PHLDB1: variants seen among roughly 807,000 people sequenced by gnomAD.
The protein encoded by PHLDB1 is pleckstrin homology-like domain family B member 1.
PHLDB1 carries 65 observed loss-of-function variants against 139.3 expected under a neutral mutation model. That is an observed-to-expected ratio of 0.47 (90% confidence interval 0.38 to 0.57). PHLDB1 has a LOEUF of 0.57. Ranked by LOEUF, PHLDB1 falls within the 20% of genes least tolerant of loss-of-function variation. The probability of loss-of-function intolerance (pLI) is 0.00; values close to 1 mark genes in which losing one functional copy is unlikely to be tolerated. For synonymous variants in PHLDB1, 679 were observed against 734.5 expected, an observed-to-expected ratio of 0.92 and a Z score of 1.22; for missense variants, 1,624 against 1,839.7, an observed-to-expected ratio of 0.88 and a Z score of 2.14.
chr11:118,639,828 G>T, intron 12 of PHLDB1: 2 of 989,144 alleles, frequency 2.0e-6, no homozygotes, highest in Non-Finnish European at 2.4e-6. Context: ...AAGTGTGAGG[G>T]ATGCAGCCCC....
At chr11:118,648,308 TG>T (rs1947861594) in intron 18 of PHLDB1, among the ~76,000 whole-genome samples, 1 of 148,960 alleles carries the variant, frequency 6.7e-6, no homozygotes, top group Non-Finnish European at 1.5e-5. Flanking sequence ...TGTGTGTGTG[TG>T]TGTGTGTGTG....
In PHLDB1 at chr11:118,656,948, A is replaced by G. The variant is rs1032849880; in HGVS notation, c.*125A>G. On this transcript the variant is annotated 3_prime_UTR_variant, in exon 23 of 23. Transcript: ENST00000600882. ...CTCCTGAAGAACCAGCCAGAAGAAG[A>G]AAAGTAGAGGTGGCTTTGCTGCCTC... The G allele has an allele frequency of 8.1e-6, 7 of 858,986 alleles. 1 individual carries two copies. The Admixed American group carries it at 1.4e-4, about 17-fold the overall frequency. The allele number at this position is 858,986 out of a possible 1,614,324, so 53.2% of individuals were successfully genotyped here. A position where few individuals can be genotyped will look rare whatever the true frequency, so the allele number is the denominator to read the frequency against.
chr11:118,624,903 C>G (rs1555099396), intron 4 of PHLDB1, 31 bp from the exon 5 acceptor site: 2 of 1,613,242 alleles, frequency 1.2e-6, no homozygotes, highest in African/African-American at 2.7e-5. Context: ...AGCCACCACA[C>G]CTGGTCTTCA....
chr11:118,655,903 C>A lies in PHLDB1; in HGVS notation c.3993+11C>A. On this transcript the variant is annotated intron_variant, in intron 22 of 22. Transcript: ENST00000600882. The stretch of plus-strand genomic sequence containing the variant: ...ACTATGGTGACTGAGGTACCCCTCC[C>A]CACTTAGCTGTAACCAGCACATTAA... 1 of 1,604,538 alleles carries A rather than the reference C, an allele frequency of 6.2e-7. No individual in the cohort carries two copies. The highest frequency in any genetic ancestry group is 8.5e-7 in the Non-Finnish European group (1 of 1,171,260).
At chr11:118,622,181 A>G (rs1253478097) in intron 4 of PHLDB1, among the ~76,000 whole-genome samples, 6 of 152,094 alleles carry the variant, frequency 3.9e-5, no homozygotes, top group Non-Finnish European at 8.8e-5. Flanking sequence ...CATGGGGGAC[A>G]CTGATCATGA....
intron 17 of PHLDB1, chr11:118,647,231 A>C (rs1326764851): frequency 6.6e-6 from 1 of 152,266 alleles, no homozygotes; most frequent in Non-Finnish European, 1.5e-5. Flanking sequence ...TAGCTGTCAA[A>C]AAAAGTTGTC....
At position 118,645,377 on chromosome 11, in the gene PHLDB1, A is replaced by C. The variant is rs1555126209; in HGVS notation, c.3143A>C (p.Gln1048Pro). 6.6e-7 allele frequency: 1 copy of C among 1,519,984 alleles called. No individual in the cohort carries two copies. The highest frequency in any genetic ancestry group is 1.4e-5 in the African/African-American group (1 of 71,958). The allele number at this position is 1,519,984 out of a possible 1,614,324, so 94.2% of individuals were successfully genotyped here. A position where few individuals can be genotyped will look rare whatever the true frequency, so the allele number is the denominator to read the frequency against. Residue 1048 changes from glutamine (Q) to proline (P), a missense_variant, in exon 16 of 23, where the codon CAG becomes CCG. Coordinates refer to ENST00000600882, the MANE Select transcript of PHLDB1 (RefSeq NM_001144758.3). This position sits in a 1 kb window ranked among gnomAD's most constrained non-coding sequence, Gnocchi z 5.1. Reference protein sequence around the residue: ...QQKGQQVIEEQRRRLAELKQK... With the variant: ...QQKGQQVIEEPRRRLAELKQK... Reference sequence around the variant, plus strand: ...TCAGGACAACAAGTGATTGAAGAGCAGCGGCGGCGACTGGCTGAGCTGAAG... The same window carrying C: ...TCAGGACAACAAGTGATTGAAGAGCCGCGGCGGCGACTGGCTGAGCTGAAG...
chr11:118,635,698 A>G, intron 10 of PHLDB1, 150 bp downstream of exon 10: 1 of 704,284 alleles, frequency 1.4e-6, no homozygotes, highest in Non-Finnish European at 2.2e-6. Flanking sequence ...TGTGAGAATT[A>G]AACAAGATGT....
chr11:118,610,005 C>T lies in PHLDB1; in HGVS notation c.-22+2306C>T, dbSNP rs1939851544. On this transcript the variant is annotated intron_variant, in intron 1 of 22. Coordinates refer to ENST00000600882, the MANE Select transcript of PHLDB1 (RefSeq NM_001144758.3). The surrounding 1 kb of genome is among the most constrained non-coding windows in gnomAD (Gnocchi z 8.7). ...GGTGGGCCCCAGCCTCCCTCTCCTT[C>T]GCCCCATCTCCCCGCCCGTCAGCCT... 6.6e-6 allele frequency among the ~76,000 whole-genome samples: 1 copy of T among 151,964 alleles called. No individual in the cohort carries two copies. The highest frequency in any genetic ancestry group is 1.5e-5 in the Non-Finnish European group (1 of 67,976).
intron 6 of PHLDB1, 42 bp downstream of exon 6, chr11:118,628,692 G>A: frequency 6.4e-7 from 1 of 1,560,282 alleles, no homozygotes; most frequent in South Asian, 1.2e-5. Flanking sequence ...CCATGGCAGA[G>A]TCTCTGCCAG....
Position 118,627,764 on chromosome 11 carries a change from G to T in PHLDB1, c.941G>T (p.Ser314Ile). The change falls in exon 6 of 23, where the codon AGC becomes ATC. Residue 314 changes from serine to isoleucine, a missense_variant. Transcript: ENST00000600882. ...SGARSESPRL[S>I]RKGGHERPPS... ...GCTCGCTCCGAGAGTCCTCGGCTGA[G>T]CAGGAAAGGGGGCCATGAGAGGCCT... 1 of 1,607,132 alleles carries T rather than the reference G, an allele frequency of 6.2e-7. No homozygotes were observed.
chr11:118,648,270 TGTGTGTGTGTGTGTG>T (rs1469190805), intron 18 of PHLDB1, among the ~76,000 whole-genome samples, 194 bp downstream of exon 18: 124 of 3,088 alleles, frequency 0.04, no homozygotes, highest in Admixed American at 0.08. Flanking sequence ...CTATTCAAGT[TGTGTGTGTGTGTGTG>T]TGTGTGTGTG....
In PHLDB1 at chr11:118,650,837, T is replaced by G; in HGVS notation, c.3874+290T>G. On this transcript the variant is annotated intron_variant, in intron 20 of 22. Transcript: ENST00000600882. This position sits in a 1 kb window ranked among gnomAD's most constrained non-coding sequence, Gnocchi z 4.7. ...ATGGCCACAGCGCTCTCATGGAGCT[T>G]ATAATCAGGGAAGCAGACAAGAGTG... 1 of 450,256 alleles carries G rather than the reference T, an allele frequency of 2.2e-6. No homozygotes were observed. The highest frequency in any genetic ancestry group is 4.0e-6 in the Non-Finnish European group (1 of 247,520). 27.9% of individuals were successfully genotyped at this position (450,256 alleles called of 1,614,324 possible).
chr11:118,650,842 TCAGG>T lies in PHLDB1; in HGVS notation c.3874+296_3874+299del. 5 of 440,694 alleles carry T rather than the reference TCAGG, an allele frequency of 1.1e-5. No homozygotes were observed. Among genetic ancestry groups the T allele is most frequent in the South Asian group, 5.3e-5 (2 of 37,536 alleles). 27.3% of individuals were successfully genotyped at this position (440,694 alleles called of 1,614,324 possible). On this transcript the variant is annotated intron_variant, in intron 20 of 22. Coordinates refer to ENST00000600882, the MANE Select transcript of PHLDB1 (RefSeq NM_001144758.3). This position sits in a 1 kb window ranked among gnomAD's most constrained non-coding sequence, Gnocchi z 4.7. ...CACAGCGCTCTCATGGAGCTTATAA[TCAGG>T]GAAGCAGACAAGAGTGATAACCACG...
At chr11:118,654,544 A>G (rs1948757308) in intron 20 of PHLDB1, 1 of 152,134 alleles carries the variant, frequency 6.6e-6, no homozygotes, top group Non-Finnish European at 1.5e-5. Context: ...GAATATAAAC[A>G]AATACTTTTT....
intron 1 of PHLDB1, among the ~76,000 whole-genome samples, chr11:118,609,892 AAG>A (rs1366104110): frequency 6.6e-6 from 1 of 151,354 alleles, no homozygotes; most frequent in African/African-American, 2.4e-5. Context: ...CCGGACACCC[AAG>A]CAACAGCCCT....
chr11:118,626,096 G>A (rs1943809381), intron 5 of PHLDB1, among the ~76,000 whole-genome samples: 2 of 152,176 alleles, frequency 1.3e-5, no homozygotes, highest in Non-Finnish European at 2.9e-5. Context: ...GGCTTAATGG[G>A]ATAATTGGAG....
At chr11:118,607,368 G>C (rs1431563263), upstream of PHLDB1, among the ~76,000 whole-genome samples, 34 of 81,198 alleles carry the variant, frequency 4.2e-4, 1 homozygote, top group Admixed American at 1.7e-3. Flanking sequence ...TGGTGGTGGT[G>C]GTGGTGGTGG....
rs1555083319 is a variant in PHLDB1, at chr11:118,610,820, C to T, written c.-21-2996C>T. Among the ~76,000 whole-genome samples, 1 of 152,154 alleles carries T rather than the reference C, an allele frequency of 6.6e-6. No individual in the cohort carries two copies. The highest frequency in any genetic ancestry group is 1.5e-5 in the Non-Finnish European group (1 of 68,000). On this transcript the variant is annotated intron_variant, in intron 1 of 22. Coordinates refer to ENST00000600882, the MANE Select transcript of PHLDB1 (RefSeq NM_001144758.3). The surrounding 1 kb of genome is among the most constrained non-coding windows in gnomAD (Gnocchi z 8.7). ...GGCGCATTCCCGCGGGGGAGGAGGCCGAGGGCCCGGGCCGGGGTCACCTGC... is the reference window on the plus strand; with the variant it reads ...GGCGCATTCCCGCGGGGGAGGAGGCTGAGGGCCCGGGCCGGGGTCACCTGC...
Sources: gnomAD v4.1 joint callset for allele counts (sites outside exome capture counted in the v4.1 genomes callset) on GRCh38, gnomAD v4.1.1 for gene constraint, Gnocchi (gnomAD v3.1) non-coding constraint, MANE v1.5 for transcripts, NCBI Gene and HGNC (gene_info 2026-07-23, HGNC 2026-07-21) for gene names.